Variants in COL4A4 observed in about 807,000 individuals in gnomAD.
COL4A4 encodes collagen alpha-4(IV) chain.
COL4A4 carries 105 observed loss-of-function variants against 192.9 expected under a neutral mutation model. The observed-to-expected ratio is 0.54, with a 90% CI of 0.46 to 0.64. The LOEUF (loss-of-function observed/expected upper bound fraction) is 0.64. Ranked by LOEUF, COL4A4 falls within the 30% of genes least tolerant of loss-of-function variation. The probability of loss-of-function intolerance (pLI) is 0.00; values close to 1 mark genes in which losing one functional copy is unlikely to be tolerated. For missense variants in COL4A4, 1,967 were observed against 2,169.3 expected (o/e 0.91, Z 1.85); for synonymous variants, 762 against 769.9 (o/e 0.99, Z 0.17).
intron 44 of COL4A4, among the ~76,000 whole-genome samples, chr2:227,021,622 G>A (rs1339750864): frequency 6.6e-6 from 1 of 152,034 alleles, no homozygotes; most frequent in African/African-American, 2.4e-5. Context: ...TCAGGAGATG[G>A]AGACCATCCT....
intron 37 of COL4A4, among the ~76,000 whole-genome samples, chr2:227,036,229 C>T (rs1225637225): frequency 6.6e-6 from 1 of 152,172 alleles, no homozygotes; most frequent in Non-Finnish European, 1.5e-5. Flanking sequence ...ATGTAACCTC[C>T]AATCCAGCTG....
intron 15 of COL4A4, among the ~76,000 whole-genome samples, chr2:227,102,139 T>G (rs2060558400): frequency 6.6e-6 from 1 of 152,250 alleles, no homozygotes; most frequent in Non-Finnish European, 1.5e-5. Context: ...GCCAGTGTTT[T>G]AATTAAGAAT....
chr2:227,041,787 GGAAAGA>G (rs1299401005), intron 37 of COL4A4, among the ~76,000 whole-genome samples: 5 of 44,194 alleles, frequency 1.1e-4, no homozygotes, highest in African/African-American at 2.1e-4. Flanking sequence ...AGGAAGGAAG[GGAAAGA>G]AAGAAAGAAA....
In COL4A4 at chr2:227,089,463, G is replaced by C. The variant is rs2059778640; in HGVS notation, c.1459+405C>G. Reference sequence around the variant, plus strand: ...GAGAGACAGGCAATTGATGAGTCTGGGAAATATAGGTCCCACAAAAATCAA... The same window carrying C: ...GAGAGACAGGCAATTGATGAGTCTGCGAAATATAGGTCCCACAAAAATCAA... On this transcript the variant is annotated intron_variant, in intron 21 of 47. Coordinates refer to ENST00000396625, the MANE Select transcript of COL4A4 (RefSeq NM_000092.5). Among the ~76,000 whole-genome samples the C allele has an allele frequency of 4.0e-5, 6 of 151,546 alleles. No homozygotes were observed. The South Asian group carries it at 1.3e-3, about 32-fold the overall frequency.
At chr2:226,991,462 G>A in the COL4A4 span, among the ~76,000 whole-genome samples, 5 of 152,356 alleles carry the variant, frequency 3.3e-5, no homozygotes, top group African/African-American at 1.2e-4. Flanking sequence ...TTACAGGCAT[G>A]AGCCACCATG....
intron 19 of COL4A4, 99 bp from the exon 20 acceptor site, chr2:227,094,388 T>A (rs942771377): frequency 4.7e-6 from 6 of 1,265,932 alleles, no homozygotes; most frequent in South Asian, 4.0e-5. Flanking sequence ...GGTTATCGAA[T>A]TTTTTAAAGG....
intron 12 of COL4A4, among the ~76,000 whole-genome samples, chr2:227,107,098 G>A (rs1357702752): frequency 6.6e-6 from 1 of 152,160 alleles, no homozygotes; most frequent in Non-Finnish European, 1.5e-5. Flanking sequence ...ATATTCCAGA[G>A]CTCCATGGCT....
chr2:227,001,165 G>A (rs1291922705), downstream of COL4A4, among the ~76,000 whole-genome samples: 1 of 151,456 alleles, frequency 6.6e-6, no homozygotes, highest in Non-Finnish European at 1.5e-5. Flanking sequence ...TACGATCTTA[G>A]CTCACTGCAA....
chr2:227,007,629 C>CA, intron 47 of COL4A4, 41 bp from the exon 48 acceptor site: 1 of 1,611,572 alleles, frequency 6.2e-7, no homozygotes, highest in Middle Eastern at 2.3e-4. Flanking sequence ...CAGACACACA[C>CA]AGACAACCCC....
intron 37 of COL4A4, among the ~76,000 whole-genome samples, chr2:227,039,788 G>A (rs565319669): frequency 6.6e-6 from 1 of 152,310 alleles, no homozygotes; most frequent in South Asian, 2.1e-4. Flanking sequence ...GTCAGAGACA[G>A]GAAATGGCCA....
chr2:227,091,247 CAGATAT>C (rs58703873), intron 20 of COL4A4, among the ~76,000 whole-genome samples: 19,310 of 142,324 alleles, frequency 0.14, 1,803 homozygotes, highest in African/African-American at 0.26. Flanking sequence ...AATTGAAAAA[CAGATAT>C]AGATATAGAT....
At chr2:227,156,088 T>C (rs111604682) in intron 1 of COL4A4, among the ~76,000 whole-genome samples, 13 of 151,222 alleles carry the variant, frequency 8.6e-5, no homozygotes, top group Admixed American at 6.6e-4. Context: ...TCACAATACA[T>C]TGGGAAAAAG....
chr2:227,149,487 T>C (rs1444359075), intron 1 of COL4A4, among the ~76,000 whole-genome samples: 1 of 152,118 alleles, frequency 6.6e-6, no homozygotes, highest in Non-Finnish European at 1.5e-5. Flanking sequence ...TTCAGGCTGC[T>C]AAAAGCCTAA....
At chr2:227,099,526 C>T in intron 18 of COL4A4, 94 bp downstream of exon 18, 1 of 1,142,600 alleles carries the variant, frequency 8.8e-7, no homozygotes, top group Non-Finnish European at 1.3e-6. Context: ...GCCTAGTGTG[C>T]AAGCTATGGA....
chr2:227,038,588 T>C (rs114260323), intron 37 of COL4A4, among the ~76,000 whole-genome samples: 1,589 of 152,348 alleles, frequency 0.01, 37 homozygotes, highest in African/African-American at 0.036. Flanking sequence ...AAGTAGTTTT[T>C]TGTAATTATG....
intron 37 of COL4A4, among the ~76,000 whole-genome samples, chr2:227,036,677 T>C (rs1355076896): frequency 6.6e-6 from 1 of 152,216 alleles, no homozygotes; most frequent in Non-Finnish European, 1.5e-5. Context: ...GCCCCAAATG[T>C]ACCTCCTGGC....
chr2:226,991,899 G>A, the COL4A4 span, among the ~76,000 whole-genome samples: 130 of 152,276 alleles, frequency 8.5e-4, no homozygotes, highest in African/African-American at 3.0e-3. Flanking sequence ...TGTGAAGGGT[G>A]TCTCCACGAG....
intron 35 of COL4A4, among the ~76,000 whole-genome samples, chr2:227,045,941 A>ATT (rs369554604): frequency 0.011 from 388 of 36,444 alleles, 36 homozygotes; most frequent in African/African-American, 0.035. Context: ...ATATGTATAT[A>ATT]TGTATATATG....
At chr2:227,071,468 C>G (rs1041554621) in intron 25 of COL4A4, among the ~76,000 whole-genome samples, 1 of 152,016 alleles carries the variant, frequency 6.6e-6, no homozygotes, top group African/African-American at 2.4e-5. Flanking sequence ...TTCAATACAC[C>G]ACTGACAGCA....
Sources: allele counts gnomAD v4.1 joint callset (sites outside exome capture counted in the v4.1 genomes callset), GRCh38; gene constraint gnomAD v4.1.1; transcripts MANE v1.5; gene names NCBI Gene and HGNC (gene_info 2026-07-23, HGNC 2026-07-21).